FGF3: variants seen among roughly 807,000 people sequenced by gnomAD.
FGF3 encodes the protein fibroblast growth factor 3.
A neutral mutation model predicts 9.8 loss-of-function variants in FGF3; 7 were observed. That is an observed-to-expected ratio of 0.72 (90% CI 0.41 to 1.35). The LOEUF (loss-of-function observed/expected upper bound fraction) is 1.35, where lower values mean the gene tolerates loss of function less well. FGF3 is among the 40% of genes most tolerant of loss of function. FGF3 has a pLI of 0.01. For synonymous variants in FGF3, 173 were observed against 157.2 expected (o/e 1.10, Z -0.75); for missense variants, 390 against 345.6 (o/e 1.13, Z -1.02).
intron 1 of FGF3, among the ~76,000 whole-genome samples, 174 bp from the exon 2 acceptor site, chr11:69,816,597 G>A (rs1214882229): frequency 1.3e-5 from 2 of 152,184 alleles, no homozygotes; most frequent in African/African-American, 2.4e-5. Context: ...CGGACAGGAG[G>A]TAGAGAAGGG....
At chr11:69,812,916 G>A (rs1554980585) in intron 2 of FGF3, among the ~76,000 whole-genome samples, 1 of 152,168 alleles carries the variant, frequency 6.6e-6, no homozygotes, top group Non-Finnish European at 1.5e-5. Flanking sequence ...TGGGGGCAGT[G>A]TAGATCAATT....
chr11:69,816,280 T>C (rs1856131121), intron 2 of FGF3, 40 bp downstream of exon 2: 2 of 1,482,542 alleles, frequency 1.3e-6, no homozygotes, highest in African/African-American at 1.4e-5. Flanking sequence ...GCCAGACCGC[T>C]ACTCCGTCAG....
chr11:69,814,808 C>T (rs1856099742), intron 2 of FGF3, among the ~76,000 whole-genome samples: 1 of 152,224 alleles, frequency 6.6e-6, no homozygotes, highest in Non-Finnish European at 1.5e-5. Flanking sequence ...TCTGTCCACC[C>T]TTCTCAAAGC....
At chr11:69,818,351 G>A (rs57658948) in intron 1 of FGF3, among the ~76,000 whole-genome samples, 12,102 of 152,246 alleles carry the variant, frequency 0.079, 570 homozygotes, top group Non-Finnish European at 0.11. Flanking sequence ...AAGCAGCAGA[G>A]CCTGGAGCCC....
At chr11:69,818,625 C>A in intron 1 of FGF3, 89 bp downstream of exon 1, 2 of 1,021,450 alleles carry the variant, frequency 2.0e-6, no homozygotes, top group East Asian at 3.3e-5. Flanking sequence ...GGCGCCGCCT[C>A]CCCCGCGGGG....
In FGF3 at chr11:69,810,135, G is replaced by T; in HGVS notation, c.*170C>A. On this transcript the variant is annotated 3_prime_UTR_variant, in exon 3 of 3. Transcript: ENST00000334134. ...TTGCAGGCAGCCCCCTCCGAGCTCC[G>T]ACTTGGGCCCTCTTCAGTTCCCACT... 3.1e-6 allele frequency: 2 copies of T among 644,236 alleles called. No individual in the cohort carries two copies. Among genetic ancestry groups the T allele is most frequent in the Admixed American group, 3.3e-5 (1 of 29,962 alleles). The allele number at this position is 644,236 out of a possible 1,614,324, so 39.9% of individuals were successfully genotyped here.
rs1554981069 is a variant in FGF3, at chr11:69,816,289, AGC to A, written c.324+29_324+30del. On this transcript the variant is annotated intron_variant, in intron 2 of 2. Coordinates refer to ENST00000334134, the MANE Select transcript of FGF3 (RefSeq NM_005247.4). ...GTGCAGGCCAGACCGCTACTCCGTC[AGC>A]GCCCACCCACGTGACAGCCTGGACT... 4 of 1,528,988 alleles carry A rather than the reference AGC, an allele frequency of 2.6e-6. No individual in the cohort carries two copies. The Admixed American group carries it at 6.7e-5, about 26-fold the overall frequency. The allele number at this position is 1,528,988 out of a possible 1,614,324, so 94.7% of individuals were successfully genotyped here.
chr11:69,815,269 G>A (rs1448813305), intron 2 of FGF3, among the ~76,000 whole-genome samples: 1 of 151,236 alleles, frequency 6.6e-6, no homozygotes, highest in African/African-American at 2.4e-5. Flanking sequence ...TGGATAGGTG[G>A]ATGGATGGAT....
chr11:69,818,793 C>T lies in FGF3; in HGVS notation c.141G>A (p.Lys47=), dbSNP rs1317320809. ...GGTGGTACTTCGTGGCGCAGTAGAG[C>T]TTGCGGCGCCGGGGCGCCCCGCCAA... ...EHLGGAPRRR[K]LYCATKYHLQ... is the part of the protein sequence containing the mutation. The change falls in exon 1 of 3, where the codon AAG becomes AAA. Residue 47 remains lysine, a synonymous_variant. Transcript: ENST00000334134. The T allele has an allele frequency of 6.7e-7, 1 of 1,493,760 alleles. No homozygotes were observed. Among genetic ancestry groups the T allele is most frequent in the South Asian group, 1.3e-5 (1 of 79,914 alleles). 92.5% of individuals were successfully genotyped at this position (1,493,760 alleles called of 1,614,324 possible).
chr11:69,817,881 C>T (rs1259025722), intron 1 of FGF3, among the ~76,000 whole-genome samples: 2 of 152,198 alleles, frequency 1.3e-5, no homozygotes, highest in African/African-American at 4.8e-5. Flanking sequence ...ACCAGAGGAG[C>T]CCAACCGTGT....
In FGF3 at chr11:69,818,978, C is replaced by G; in HGVS notation, c.-45G>C. On this transcript the variant is annotated 5_prime_UTR_variant, in exon 1 of 3. Coordinates refer to ENST00000334134, the MANE Select transcript of FGF3 (RefSeq NM_005247.4). ...CGCGGCGGCGGCGGCTGCAGGCGAG[C>G]GCGGCGCCCATGGAAGGGGCGGCAG... 7.5e-7 allele frequency: 1 copy of G among 1,339,738 alleles called. No individual in the cohort carries two copies. The highest frequency in any genetic ancestry group is 1.5e-5 in the South Asian group (1 of 68,786). The allele number at this position is 1,339,738 out of a possible 1,614,324, so 83.0% of individuals were successfully genotyped here. A position where few individuals can be genotyped will look rare whatever the true frequency, so the allele number is the denominator to read the frequency against.
intron 2 of FGF3, among the ~76,000 whole-genome samples, chr11:69,814,409 C>A: frequency 6.6e-6 from 1 of 151,128 alleles, no homozygotes; most frequent in Middle Eastern, 3.4e-3. Flanking sequence ...GATGGGGAGT[C>A]GGGGAGCTGC....
intron 2 of FGF3, among the ~76,000 whole-genome samples, chr11:69,810,954 C>T (rs1173778818): frequency 6.6e-6 from 1 of 152,234 alleles, no homozygotes; most frequent in Non-Finnish European, 1.5e-5. Context: ...AGACAACTCC[C>T]AGCTCCTGCT....
chr11:69,813,926 TGGTGGATGGGTTGATG>T (rs1485155334), intron 2 of FGF3, among the ~76,000 whole-genome samples: 26 of 65,858 alleles, frequency 3.9e-4, no homozygotes, highest in African/African-American at 6.8e-4. Context: ...CTGGATGGAT[TGGTGGATGGGTTGATG>T]GGTGGATGGG....
chr11:69,813,932 A>ATTGC (rs1554980804), intron 2 of FGF3, among the ~76,000 whole-genome samples: 6 of 39,278 alleles, frequency 1.5e-4, no homozygotes, highest in Admixed American at 3.4e-4. Flanking sequence ...GGATTGGTGG[A>ATTGC]TGGGTTGATG....
At chr11:69,816,976 A>G (rs1218325631) in intron 1 of FGF3, among the ~76,000 whole-genome samples, 1 of 152,228 alleles carries the variant, frequency 6.6e-6, no homozygotes, top group African/African-American at 2.4e-5. Flanking sequence ...CATGCTGGCA[A>G]TAGACCTGGC....
intron 1 of FGF3, among the ~76,000 whole-genome samples, chr11:69,818,109 C>A (rs1024852768): frequency 2.0e-5 from 3 of 152,030 alleles, no homozygotes; most frequent in Non-Finnish European, 4.4e-5. Context: ...CTGTCGGTGG[C>A]GGCCGCGGCC....
intron 1 of FGF3, among the ~76,000 whole-genome samples, chr11:69,818,151 C>T (rs572867023): frequency 6.6e-6 from 1 of 152,276 alleles, no homozygotes; most frequent in Non-Finnish European, 1.5e-5. Context: ...CAAGAGTCCT[C>T]CGCGCAGAGG....
chr11:69,816,364 C>G lies in FGF3; in HGVS notation c.280G>C (p.Gly94Arg), dbSNP rs782507721. Reference sequence around the variant, plus strand: ...CTCTTGTTCATGGCCAGGTACCGCCCGGAGAAGAGACCCCTGATGGCCACA... The same window carrying G: ...CTCTTGTTCATGGCCAGGTACCGCCGGGAGAAGAGACCCCTGATGGCCACA... The part of the protein sequence containing the change: ...GIVAIRGLFS[G>R]RYLAMNKRGR... The change falls in exon 2 of 3, where the codon GGG becomes CGG. Residue 94 changes from glycine (G) to arginine (R), a missense_variant. Transcript: ENST00000334134. 1 of 1,614,106 alleles carries G rather than the reference C, an allele frequency of 6.2e-7. No individual in the cohort carries two copies. The highest frequency in any genetic ancestry group is 8.5e-7 in the Non-Finnish European group (1 of 1,180,000).
Sources: gnomAD v4.1 joint callset for allele counts (sites outside exome capture counted in the v4.1 genomes callset) on GRCh38, gnomAD v4.1.1 for gene constraint, MANE v1.5 for transcripts, NCBI Gene and HGNC (gene_info 2026-07-23, HGNC 2026-07-21) for gene names.